The following ERCC6L2 variants were observed in gnomAD, a reference collection of about 807,000 sequenced individuals.
ERCC6L2 encodes DNA excision repair protein ERCC-6-like 2.
Under a neutral mutation model 132.0 loss-of-function variants are expected in ERCC6L2, and 77 were observed. The ratio of observed to expected loss-of-function variants is 0.58; its 90% CI spans 0.49 to 0.71. ERCC6L2 has a LOEUF of 0.71. Among genes scored for constraint, ERCC6L2 ranks in the 30% least tolerant of loss-of-function variants. The pLI is 0.00. For missense variants in ERCC6L2, 1,542 were observed against 1,837.6 expected (o/e 0.84, Z 2.94); for synonymous variants, 583 against 632.4 (o/e 0.92, Z 1.17).
intron 11 of ERCC6L2, among the ~76,000 whole-genome samples, chr9:95,939,353 T>TGGTAA (rs1830696703): frequency 1.3e-5 from 2 of 151,968 alleles, no homozygotes; most frequent in Non-Finnish European, 2.9e-5. Flanking sequence ...TAACAGGTGC[T>TGGTAA]CTTAGTTTTC....
intron 11 of ERCC6L2, among the ~76,000 whole-genome samples, chr9:95,934,872 A>G (rs1338439038): frequency 6.6e-6 from 1 of 152,200 alleles, no homozygotes; most frequent in Non-Finnish European, 1.5e-5. Flanking sequence ...ACATTATTCC[A>G]AAACACTGTC....
chr9:95,978,277 T>C (rs1832755064), intron 17 of ERCC6L2, 62 bp downstream of exon 17: 3 of 1,116,886 alleles, frequency 2.7e-6, no homozygotes, highest in Admixed American at 2.8e-5. Context: ...AGTTACTCAA[T>C]AGGATCTTCT....
chr9:96,038,084 T>C (rs1050068463), intron 19 of ERCC6L2, among the ~76,000 whole-genome samples: 3 of 152,002 alleles, frequency 2.0e-5, no homozygotes, highest in Non-Finnish European at 2.9e-5. Flanking sequence ...GAAGTTCTGC[T>C]GCAGAGTCAG....
In ERCC6L2 at chr9:95,928,838, T is replaced by C. The variant is rs1830215464; in HGVS notation, c.1725T>C (p.Asp575=). 1 of 1,601,608 alleles carries C rather than the reference T, an allele frequency of 6.2e-7. No individual in the cohort carries two copies. The highest frequency in any genetic ancestry group is 8.5e-7 in the Non-Finnish European group (1 of 1,175,242). ...KIVKEFNSTQ[D]VNICLVSTMA... is the part of the protein sequence containing the mutation. ...TAAAAGAGTTCAACAGTACACAAGA[T>C]GTTAACATTTGCCTTGTCTCTACAA... Residue 575 remains aspartate (D), a synonymous_variant, in exon 11 of 19, where the codon GAT becomes GAC. Transcript: ENST00000653738.
intron 19 of ERCC6L2, among the ~76,000 whole-genome samples, chr9:96,030,583 T>C (rs1163646270): frequency 1.3e-5 from 2 of 151,312 alleles, no homozygotes; most frequent in African/African-American, 4.9e-5. Context: ...GCACCTGTAG[T>C]CCCAGCTACT....
chr9:96,032,742 G>A (rs1226776754), intron 19 of ERCC6L2, among the ~76,000 whole-genome samples: 1 of 152,186 alleles, frequency 6.6e-6, no homozygotes, highest in East Asian at 1.9e-4. Context: ...ACGCAATGCT[G>A]GTCATCTCTG....
At chr9:95,927,482 C>G (rs1436707612) in intron 9 of ERCC6L2, among the ~76,000 whole-genome samples, 1 of 152,072 alleles carries the variant, frequency 6.6e-6, no homozygotes, top group East Asian at 1.9e-4. Flanking sequence ...TTTGTTTCCT[C>G]CCTGAAAGCA....
At chr9:95,989,047 A>G (rs1283531708) in intron 17 of ERCC6L2, among the ~76,000 whole-genome samples, 1 of 152,152 alleles carries the variant, frequency 6.6e-6, no homozygotes, top group Non-Finnish European at 1.5e-5. Flanking sequence ...AGGGTAAGGT[A>G]TGGGGGAAGA....
At chr9:95,897,217 C>A (rs1828513057) in intron 2 of ERCC6L2, among the ~76,000 whole-genome samples, 1 of 152,184 alleles carries the variant, frequency 6.6e-6, no homozygotes, top group Non-Finnish European at 1.5e-5. Context: ...TGCCTAACTT[C>A]ACAGAGCAGC....
rs368998957 is a variant in ERCC6L2 at position 95,966,699 on chromosome 9, G to A, written c.2085G>A (p.Thr695=). 9 of 1,474,564 alleles carry A rather than the reference G, an allele frequency of 6.1e-6. No individual in the cohort carries two copies. In the East Asian group the frequency reaches 7.1e-5, roughly 12 times the overall value. The allele number at this position is 1,474,564 out of a possible 1,614,324, so 91.3% of individuals were successfully genotyped here. ...FKFRSQGSCL[T]KDILEREGQV... ...TTAGGTCCCAAGGGTCTTGTCTTAC[G>A]AAGGACATCCTGGAGGTGTGAACTT... is the stretch of plus-strand genomic sequence containing the variant. The change falls in exon 14 of 19, where the codon ACG becomes ACA. Residue 695 remains threonine, a synonymous_variant. Transcript: ENST00000653738.
At chr9:95,879,023 A>G (rs1564187919) in intron 1 of ERCC6L2, among the ~76,000 whole-genome samples, 1 of 151,958 alleles carries the variant, frequency 6.6e-6, no homozygotes, top group Non-Finnish European at 1.5e-5. Flanking sequence ...TATACCCAGT[A>G]ATGGGATGGC....
At position 95,876,036 on chromosome 9, in the gene ERCC6L2, C is replaced by T. The variant is rs746362971; in HGVS notation, c.-3C>T. ...GCCGGGCTCGGCCCCTCCCCCTGGC[C>T]GGATGGATCCGTCGGCGCCACAGCC... On this transcript the variant is annotated 5_prime_UTR_variant, in exon 1 of 19. Transcript: ENST00000653738. 41 of 1,588,982 alleles carry T rather than the reference C, an allele frequency of 2.6e-5. No individual in the cohort carries two copies. In the South Asian group the frequency reaches 4.2e-4, roughly 16 times the overall value.
intron 17 of ERCC6L2, among the ~76,000 whole-genome samples, chr9:95,996,677 C>G (rs575833164): frequency 6.6e-6 from 1 of 152,172 alleles, no homozygotes; most frequent in African/African-American, 2.4e-5. Flanking sequence ...CACTTGTGCT[C>G]CATAAATGAA....
chr9:95,925,223 C>T (rs1403448811), intron 9 of ERCC6L2, among the ~76,000 whole-genome samples: 1 of 152,194 alleles, frequency 6.6e-6, no homozygotes, highest in East Asian at 1.9e-4. Context: ...TTGACCTCAA[C>T]TATCATTCAA....
At chr9:95,899,864 G>T (rs77209725) in intron 3 of ERCC6L2, among the ~76,000 whole-genome samples, 27,067 of 151,934 alleles carry the variant, frequency 0.18, 2,489 homozygotes, top group South Asian at 0.28. Context: ...CTTTTATATT[G>T]TATTGTTTAG....
At chr9:95,902,243 A>G (rs1828817727) in intron 3 of ERCC6L2, among the ~76,000 whole-genome samples, 1 of 152,170 alleles carries the variant, frequency 6.6e-6, no homozygotes, top group Non-Finnish European at 1.5e-5. Flanking sequence ...GATTTTTGGA[A>G]TGGTTCTTTA....
At chr9:95,975,258 A>G (rs558209016) in intron 16 of ERCC6L2, among the ~76,000 whole-genome samples, 2 of 152,238 alleles carry the variant, frequency 1.3e-5, no homozygotes, top group East Asian at 3.9e-4. Flanking sequence ...TCTTCCTCGC[A>G]TCGTTCTGGT....
At chr9:95,928,191 A>T (rs754690655) in intron 10 of ERCC6L2, 41 bp downstream of exon 10, 1 of 1,410,890 alleles carries the variant, frequency 7.1e-7, no homozygotes. Flanking sequence ...GCCAGCCTCA[A>T]CTTTTGAGGC....
intron 17 of ERCC6L2, among the ~76,000 whole-genome samples, chr9:95,985,407 T>G (rs1314855876): frequency 1.3e-5 from 2 of 152,240 alleles, no homozygotes; most frequent in African/African-American, 2.4e-5. Flanking sequence ...CTCAACTCTT[T>G]GCACCACAAG....
Sources: gnomAD v4.1 joint callset for allele counts (sites outside exome capture counted in the v4.1 genomes callset) on GRCh38, gnomAD v4.1.1 for gene constraint, MANE v1.5 for transcripts, NCBI Gene and HGNC (gene_info 2026-07-23, HGNC 2026-07-21) for gene names.